UNC13A: variants seen among roughly 807,000 people sequenced by gnomAD.
The protein encoded by UNC13A is unc-13 homolog A, also known as protein unc-13 homolog A.
In UNC13A, 61 loss-of-function variants were observed where a neutral mutation model predicts 219.7. The observed-to-expected ratio is 0.28, with a 90% CI of 0.23 to 0.34. The LOEUF (loss-of-function observed/expected upper bound fraction) is 0.34, where lower values mean the gene tolerates loss of function less well. Ranked by LOEUF, UNC13A falls within the 10% of genes least tolerant of loss-of-function variation. The probability of loss-of-function intolerance (pLI) is 1.00; values close to 1 mark genes in which losing one functional copy is unlikely to be tolerated. For synonymous variants in UNC13A, 920 were observed against 884.6 expected (o/e 1.04, Z -0.71); for missense variants, 1,476 against 2,270.3 (o/e 0.65, Z 7.11).
chr19:17,631,049 G>A (rs113795229), intron 28 of UNC13A, among the ~76,000 whole-genome samples: 5,000 of 147,304 alleles, frequency 0.034, 80 homozygotes, highest in Middle Eastern at 0.091. Context: ...TGAGTCCTCC[G>A]TCCATCCTTC....
intron 35 of UNC13A, 82 bp downstream of exon 35, chr19:17,624,747 C>T (rs2076764787): frequency 3.3e-6 from 5 of 1,512,994 alleles, no homozygotes; most frequent in African/African-American, 1.4e-5. Context: ...GTTCTTACCC[C>T]CCAGCCTCTA....
At chr19:17,673,357 CA>C (rs369463898) in intron 3 of UNC13A, among the ~76,000 whole-genome samples, 513 of 102,710 alleles carry the variant, frequency 5.0e-3, no homozygotes, top group African/African-American at 0.01. Flanking sequence ...AACTCAGTCT[CA>C]AAAAAAAAAA....
rs368269623 is a variant in UNC13A, at chr19:17,632,782, G to A, written c.3428C>T (p.Ala1143Val). ...GTTGGGCCTGGGGCAGGGGACTTAC[G>A]CAGGGTACTCAGGCACGCGGTCCTT... is the stretch of plus-strand genomic sequence containing the variant. The part of the protein sequence containing the change: ...AFKDRVPEYP[A>V]WFEPFVIQWL... The change falls in exon 28 of 44, where the codon GCA becomes GTA. Residue 1143 changes from alanine (A) to valine (V), a missense_variant and splice_region_variant. By Grantham distance (64) the Ala-to-Val change is moderately conservative. Coordinates refer to ENST00000519716, the MANE Select transcript of UNC13A (RefSeq NM_001080421.3). 3.7e-6 allele frequency: 6 copies of A among 1,613,564 alleles called. No homozygotes were observed. Among genetic ancestry groups the A allele is most frequent in the African/African-American group, 1.3e-5 (1 of 74,882 alleles).
chr19:17,606,050 CG>C lies in UNC13A; in HGVS notation c.*3del. 1 of 1,522,420 alleles carries C rather than the reference CG, an allele frequency of 6.6e-7. No individual in the cohort carries two copies. The highest frequency in any genetic ancestry group is 8.8e-7 in the Non-Finnish European group (1 of 1,142,318). 94.3% of individuals were successfully genotyped at this position (1,522,420 alleles called of 1,614,324 possible). ...GCGCAGTGCCGCTCGGCCGACCGCC[CG>C]CGCTAAGGCGCAGGCGCGGCACCGC... On this transcript the variant is annotated 3_prime_UTR_variant, in exon 44 of 44. Coordinates refer to ENST00000519716, the MANE Select transcript of UNC13A (RefSeq NM_001080421.3).
intron 43 of UNC13A, among the ~76,000 whole-genome samples, chr19:17,609,410 A>C (rs73922145): frequency 0.06 from 9,107 of 151,428 alleles, 332 homozygotes; most frequent in Middle Eastern, 0.1. Context: ...CCCACCCCCA[A>C]GCCTGGGATC....
intron 28 of UNC13A, among the ~76,000 whole-genome samples, chr19:17,631,171 C>G (rs1200353071): frequency 3.3e-4 from 8 of 24,094 alleles, no homozygotes; most frequent in African/African-American, 7.8e-4. Context: ...CCCTCCCTCC[C>G]TCCCTCCTTT....
chr19:17,669,419 C>A, intron 5 of UNC13A, 134 bp downstream of exon 5: 1 of 1,292,184 alleles, frequency 7.7e-7, no homozygotes, highest in Non-Finnish European at 1.0e-6. Context: ...CTCTCTCCTC[C>A]GGGGCGAAGG....
intron 1 of UNC13A, among the ~76,000 whole-genome samples, chr19:17,678,546 G>T (rs1301741573): frequency 1.3e-5 from 2 of 152,050 alleles, no homozygotes; most frequent in Non-Finnish European, 2.9e-5. Context: ...CTCTCTCTGG[G>T]CCTTCATCTC....
At chr19:17,625,847 A>G (rs2076776839) in intron 34 of UNC13A, among the ~76,000 whole-genome samples, 1 of 151,490 alleles carries the variant, frequency 6.6e-6, no homozygotes, top group Non-Finnish European at 1.5e-5. Context: ...CCATCCATTC[A>G]TCCATCCACC....
intron 7 of UNC13A, 147 bp downstream of exon 7, chr19:17,666,503 C>T (rs570072436): frequency 3.1e-5 from 17 of 556,878 alleles, no homozygotes; most frequent in Non-Finnish European, 4.2e-5. Context: ...AGCCTCAGAA[C>T]GCTGATTTCT....
Position 17,649,509 on chromosome 19 carries a change from C to G in UNC13A, c.1518G>C (p.Leu506Phe). Residue 506 changes from leucine to phenylalanine, a missense_variant and splice_region_variant, in exon 13 of 44, where the codon TTG becomes TTC. Physicochemically the swap from Leu to Phe is conservative, Grantham distance 22. Around this residue, in one of 14 missense-constraint regions of UNC13A, gnomAD observed 85 missense variants for 211.5 expected, o/e 0.40. Coordinates refer to ENST00000519716, the MANE Select transcript of UNC13A (RefSeq NM_001080421.3). This position sits in a 1 kb window ranked among gnomAD's most constrained non-coding sequence, Gnocchi z 4.4. ...KRKPIPLVSDLAMSLVQSRKA... is the reference protein window; with the variant it reads ...KRKPIPLVSDFAMSLVQSRKA... ...GGGAGTAAAGGGCGAGGGTGCTTAC[C>G]AAGTCGCTCACGAGTGGGATAGGTT... 1 of 1,613,920 alleles carries G rather than the reference C, an allele frequency of 6.2e-7. No individual in the cohort carries two copies. Among genetic ancestry groups the G allele is most frequent in the Non-Finnish European group, 8.5e-7 (1 of 1,179,864 alleles).
intron 7 of UNC13A, among the ~76,000 whole-genome samples, chr19:17,665,757 T>C (rs2079628205): frequency 6.6e-6 from 1 of 152,214 alleles, no homozygotes; most frequent in Non-Finnish European, 1.5e-5. Context: ...GGGTTTGTGC[T>C]GGCCCCATGA....
chr19:17,667,112 A>G (rs773685720), intron 6 of UNC13A, among the ~76,000 whole-genome samples: 4 of 152,114 alleles, frequency 2.6e-5, no homozygotes, highest in African/African-American at 7.2e-5. Context: ...TTAGCCAGGT[A>G]TGGTGGCGCA....
At chr19:17,641,032 C>T (rs1443966576) in intron 21 of UNC13A, among the ~76,000 whole-genome samples, 1 of 151,932 alleles carries the variant, frequency 6.6e-6, no homozygotes, top group South Asian at 2.1e-4. Context: ...GCCCAAGCCA[C>T]CACACCTGGA....
At chr19:17,626,525 G>A in intron 34 of UNC13A, 108 bp downstream of exon 34, 1 of 1,260,430 alleles carries the variant, frequency 7.9e-7, no homozygotes, top group Non-Finnish European at 1.0e-6. Flanking sequence ...ACTATCCAGT[G>A]ACCACCCAGC....
In UNC13A at chr19:17,605,040, A is replaced by G. The variant is rs193079290; in HGVS notation, c.*1014T>C. 1 of 152,584 alleles carries G rather than the reference A, an allele frequency of 6.6e-6. No homozygotes were observed. Among genetic ancestry groups the G allele is most frequent in the Non-Finnish European group, 1.5e-5 (1 of 68,032 alleles). 9.5% of individuals were successfully genotyped at this position (152,584 alleles called of 1,614,324 possible). On this transcript the variant is annotated 3_prime_UTR_variant, in exon 44 of 44. Coordinates refer to ENST00000519716, the MANE Select transcript of UNC13A (RefSeq NM_001080421.3). Reference sequence around the variant, plus strand: ...GGCCCTCATGGCATCCCCCATGGAGATCCCAGGAGAAAGGGCTGAGGGCAA... The same window carrying G: ...GGCCCTCATGGCATCCCCCATGGAGGTCCCAGGAGAAAGGGCTGAGGGCAA...
intron 6 of UNC13A, among the ~76,000 whole-genome samples, chr19:17,667,168 TTGA>T: frequency 6.6e-6 from 1 of 152,028 alleles, no homozygotes; most frequent in Admixed American, 6.5e-5. Flanking sequence ...GGAGAATCAC[TTGA>T]ACCCGGGAGG....
At position 17,630,724 on chromosome 19, in the gene UNC13A, C is replaced by T; in HGVS notation, c.3455G>A (p.Trp1152Ter). The T allele has an allele frequency of 6.2e-7, 1 of 1,613,834 alleles. No individual in the cohort carries two copies. The highest frequency in any genetic ancestry group is 8.5e-7 in the Non-Finnish European group (1 of 1,179,832). Reference sequence around the variant, plus strand: ...GGACACCTCCTCATTCTCATCCAGCCACTGGATGACGAAGGGTTCAAACCA... The same window carrying T: ...GGACACCTCCTCATTCTCATCCAGCTACTGGATGACGAAGGGTTCAAACCA... ...PAWFEPFVIQ[W>*]LDENEEVSRD... The change falls in exon 29 of 44, where the codon TGG (tryptophan) becomes TAG (stop). Residue 1152 changes from tryptophan (W) to a stop codon, truncating the protein, a stop_gained. Coordinates refer to ENST00000519716, the MANE Select transcript of UNC13A (RefSeq NM_001080421.3). LOFTEE classifies it high-confidence loss of function.
rs569000238 is a variant in UNC13A, at chr19:17,617,055, G to C, written c.4558+647C>G. On this transcript the variant is annotated intron_variant, in intron 41 of 43. Coordinates refer to ENST00000519716, the MANE Select transcript of UNC13A (RefSeq NM_001080421.3). ...TCCGTCCACCCTCCCCCACCAAGTC[G>C]AGGTCCCTCCCGCCCTCGGAGCTGT... Among the ~76,000 whole-genome samples, 111 of 152,218 alleles carry C rather than the reference G, an allele frequency of 7.3e-4. 1 individual carries two copies. Among genetic ancestry groups the C allele is most frequent in the African/African-American group, 2.5e-3 (102 of 41,510 alleles).
Sources: gnomAD v4.1 joint callset for allele counts (sites outside exome capture counted in the v4.1 genomes callset) on GRCh38, gnomAD v4.1.1 for gene constraint, gnomAD v4.1.1 regional missense constraint, Gnocchi (gnomAD v3.1) non-coding constraint, MANE v1.5 for transcripts, NCBI Gene and HGNC (gene_info 2026-07-23, HGNC 2026-07-21) for gene names.